PRKG1: variants seen among roughly 807,000 people sequenced by gnomAD.
The protein encoded by PRKG1 is cGMP-dependent protein kinase 1.
In PRKG1, 35 loss-of-function variants were observed where a neutral mutation model predicts 88.1. The observed-to-expected ratio is 0.40, with a 90% CI of 0.30 to 0.53. The LOEUF is 0.53. Ranked by LOEUF, PRKG1 falls within the 20% of genes least tolerant of loss-of-function variation. The pLI is 0.59. For missense variants in PRKG1, 540 were observed against 839.8 expected (o/e 0.64, Z 4.41); for synonymous variants, 303 against 292.5 (o/e 1.04, Z -0.37).
intron 5 of PRKG1, among the ~76,000 whole-genome samples, chr10:51,925,687 C>A (rs182934185): frequency 6.6e-6 from 1 of 152,068 alleles, no homozygotes; most frequent in Non-Finnish European, 1.5e-5. Flanking sequence ...GATCACTTTT[C>A]CCCTAGATTT....
rs1309866745 is a variant in PRKG1, at chr10:51,359,552, T to C, written c.479-108171T>C. Among the ~76,000 whole-genome samples, 4 of 151,894 alleles carry C rather than the reference T, an allele frequency of 2.6e-5. No homozygotes were observed. In the East Asian group the frequency reaches 7.7e-4, roughly 29 times the overall value. ...CTTTACTAATTTTATTGAATTCAGA[T>C]TTATTTAAAAGAAAAATAGGCCTCA... On this transcript the variant is annotated intron_variant, in intron 2 of 17. Coordinates refer to ENST00000373980, the MANE Select transcript of PRKG1 (RefSeq NM_006258.4).
At chr10:51,816,692 A>G (rs1390060592) in intron 4 of PRKG1, among the ~76,000 whole-genome samples, 1 of 152,076 alleles carries the variant, frequency 6.6e-6, no homozygotes, top group African/African-American at 2.4e-5. Context: ...GTGTGTGTAT[A>G]ATAAGTGATA....
At chr10:51,058,632 G>A (rs1259575539) in intron 1 of PRKG1, among the ~76,000 whole-genome samples, 1 of 152,056 alleles carries the variant, frequency 6.6e-6, no homozygotes, top group Admixed American at 6.6e-5. Context: ...ATGTCTTTTG[G>A]TCGAACAAAT....
At chr10:51,738,825 G>A (rs963195460) in intron 3 of PRKG1, among the ~76,000 whole-genome samples, 3 of 152,054 alleles carry the variant, frequency 2.0e-5, no homozygotes, top group South Asian at 2.1e-4. Context: ...AATTTTTCAT[G>A]GCACTCCCTG....
At chr10:51,715,930 A>G (rs1272301153) in intron 3 of PRKG1, among the ~76,000 whole-genome samples, 1 of 152,238 alleles carries the variant, frequency 6.6e-6, no homozygotes, top group Non-Finnish European at 1.5e-5. Flanking sequence ...GGTGGGTCTT[A>G]GGCATTCATA....
At chr10:52,219,913 T>G (rs1037533178) in intron 9 of PRKG1, among the ~76,000 whole-genome samples, 4 of 152,200 alleles carry the variant, frequency 2.6e-5, no homozygotes, top group African/African-American at 9.6e-5. Context: ...TAATAAATTC[T>G]TTTAGAAAGA....
At chr10:52,165,647 C>T (rs1382384831) in intron 9 of PRKG1, among the ~76,000 whole-genome samples, 1 of 152,004 alleles carries the variant, frequency 6.6e-6, no homozygotes, top group African/African-American at 2.4e-5. Context: ...TCTTAAAGCT[C>T]GACTAAAATG....
intron 2 of PRKG1, among the ~76,000 whole-genome samples, chr10:51,216,515 A>T (rs546538068): frequency 6.8e-6 from 1 of 146,886 alleles, no homozygotes. Flanking sequence ...ACTGGTTTTA[A>T]AAAACCCGAA....
intron 2 of PRKG1, among the ~76,000 whole-genome samples, chr10:51,281,600 C>T (rs1385480982): frequency 6.6e-6 from 1 of 152,192 alleles, no homozygotes; most frequent in Non-Finnish European, 1.5e-5. Flanking sequence ...GGAGGCCTGC[C>T]TTCCTCTGTA....
chr10:51,682,387 CT>C (rs1255106272), intron 3 of PRKG1, among the ~76,000 whole-genome samples: 6 of 152,168 alleles, frequency 3.9e-5, no homozygotes, highest in Admixed American at 3.3e-4. Context: ...AAAATGCCTC[CT>C]TCTCTGGTAA....
chr10:51,163,121 C>T (rs949466397), intron 2 of PRKG1, among the ~76,000 whole-genome samples: 1 of 152,160 alleles, frequency 6.6e-6, no homozygotes, highest in African/African-American at 2.4e-5. Context: ...GCCGAGATCA[C>T]ACCGCTACAC....
chr10:51,889,082 T>G (rs547431564), intron 4 of PRKG1, among the ~76,000 whole-genome samples: 1 of 151,808 alleles, frequency 6.6e-6, no homozygotes, highest in African/African-American at 2.4e-5. Context: ...TTTAATACTT[T>G]AAGTTCTAGG....
intron 1 of PRKG1, among the ~76,000 whole-genome samples, chr10:51,087,244 G>C (rs1182713039): frequency 6.6e-6 from 1 of 152,064 alleles, no homozygotes; most frequent in Non-Finnish European, 1.5e-5. Context: ...TAAAGTGAAA[G>C]TAGTAATTGT....
At chr10:51,258,788 A>T (rs1589287007) in intron 2 of PRKG1, among the ~76,000 whole-genome samples, 1 of 152,224 alleles carries the variant, frequency 6.6e-6, no homozygotes, top group East Asian at 1.9e-4. Flanking sequence ...TTACAAATCT[A>T]CCCACTTGGC....
rs180760940 is a variant in PRKG1, at chr10:51,570,704, A to T, written c.592+102868A>T. Among the ~76,000 whole-genome samples the T allele has an allele frequency of 4.4e-4, 67 of 152,094 alleles. 2 individuals are homozygous for T. Among genetic ancestry groups the T allele is most frequent in the African/African-American group, 1.3e-3 (52 of 41,540 alleles). ...AATTTAGAAGAATTTTTGAAAAAAA[A>T]AATCCCTAAGTATCCTGAAAATAGA... On this transcript the variant is annotated intron_variant, in intron 3 of 17. Coordinates refer to ENST00000373980, the MANE Select transcript of PRKG1 (RefSeq NM_006258.4).
rs1564571435 is a variant in PRKG1 at position 51,016,673 on chromosome 10, C to CTTCTTTCTTTTTTTTTTTTTTTTTTT, written c.266+25031_266+25032insCTTTCTTTTTTTTTTTTTTTTTTTTT. Among the ~76,000 whole-genome samples, 58 of 35,186 alleles carry CTTCTTTCTTTTTTTTTTTTTTTTTTT rather than the reference C, an allele frequency of 1.6e-3. 2 individuals are homozygous for CTTCTTTCTTTTTTTTTTTTTTTTTTT. Among genetic ancestry groups the CTTCTTTCTTTTTTTTTTTTTTTTTTT allele is most frequent in the African/African-American group, 5.8e-3 (41 of 7,084 alleles). 23.1% of individuals were successfully genotyped at this position (35,186 alleles called of 152,430 possible). A position where few individuals can be genotyped will look rare whatever the true frequency, so the allele number is the denominator to read the frequency against. ...AGTGAAGAAGGTATTATTATCCTTTCTTTTTTTTTTTTTTTTTTTGGAATC... is the reference window on the plus strand; with the variant it reads ...AGTGAAGAAGGTATTATTATCCTTTCTTCTTTCTTTTTTTTTTTTTTTTTTTTTTTTTTTTTTTTTTTTTTGGAATC... On this transcript the variant is annotated intron_variant, in intron 1 of 17. Transcript: ENST00000401604.
At chr10:51,282,118 A>C (rs1840315318) in intron 2 of PRKG1, among the ~76,000 whole-genome samples, 1 of 152,166 alleles carries the variant, frequency 6.6e-6, no homozygotes, top group Admixed American at 6.5e-5. Context: ...GTGAAGATGC[A>C]AACCTGACAT....
chr10:51,343,970 A>T (rs1372391674), intron 2 of PRKG1, among the ~76,000 whole-genome samples: 2 of 152,232 alleles, frequency 1.3e-5, no homozygotes, highest in Non-Finnish European at 2.9e-5. Flanking sequence ...GTATGCTAGC[A>T]ATACATTTTT....
intron 9 of PRKG1, among the ~76,000 whole-genome samples, chr10:52,202,392 A>T (rs1480428568): frequency 6.6e-6 from 1 of 152,170 alleles, no homozygotes; most frequent in East Asian, 1.9e-4. Flanking sequence ...CCCGTGATAA[A>T]GCCTACTTGA....
Sources: gnomAD v4.1 joint callset for allele counts (sites outside exome capture counted in the v4.1 genomes callset) on GRCh38, gnomAD v4.1.1 for gene constraint, MANE v1.5 for transcripts, NCBI Gene and HGNC (gene_info 2026-07-23, HGNC 2026-07-21) for gene names.